CPA3: variants seen among roughly 807,000 people sequenced by gnomAD.
CPA3 encodes the protein mast cell carboxypeptidase A.
Under a neutral mutation model 55.8 loss-of-function variants are expected in CPA3, and 52 were observed. The observed-to-expected ratio is 0.93, with a 90% CI of 0.75 to 1.17. The LOEUF (loss-of-function observed/expected upper bound fraction) is 1.17. Ranked by LOEUF, CPA3 falls within the 50% of genes most tolerant of loss-of-function variation. The pLI is 0.00. For synonymous variants in CPA3, 179 were observed against 171.2 expected (o/e 1.05, Z -0.36); for missense variants, 547 against 509.1 (o/e 1.07, Z -0.72).
Position 148,869,059 on chromosome 3 carries a change from T to A in CPA3, c.269+20T>A. 1 of 1,606,672 alleles carries A rather than the reference T, an allele frequency of 6.2e-7. No individual in the cohort carries two copies. The highest frequency in any genetic ancestry group is 8.5e-7 in the Non-Finnish European group (1 of 1,175,020). Reference sequence around the variant, plus strand: ...CTATGAGTAAGTCCTTGGCAAATATTGAAATTTGTTGGATATTCAAAGTTT... The same window carrying A: ...CTATGAGTAAGTCCTTGGCAAATATAGAAATTTGTTGGATATTCAAAGTTT... On this transcript the variant is annotated intron_variant, in intron 3 of 10. Transcript: ENST00000296046.
At chr3:148,877,941 G>A (rs1268967050) in intron 3 of CPA3, among the ~76,000 whole-genome samples, 3 of 152,114 alleles carry the variant, frequency 2.0e-5, no homozygotes, top group Admixed American at 2.0e-4. Flanking sequence ...GGAGAAGGAT[G>A]GGGAGTACTA....
chr3:148,877,261 T>C (rs1259752386), intron 3 of CPA3, among the ~76,000 whole-genome samples: 2 of 152,190 alleles, frequency 1.3e-5, no homozygotes, highest in Non-Finnish European at 2.9e-5. Context: ...TTCAGGAGGC[T>C]GAGGTGGGCA....
chr3:148,888,441 T>C (rs1206502530), intron 10 of CPA3, among the ~76,000 whole-genome samples: 1 of 152,234 alleles, frequency 6.6e-6, no homozygotes, highest in East Asian at 1.9e-4. Flanking sequence ...TGCTACAACC[T>C]AGCCATGCTG....
At position 148,878,698 on chromosome 3, in the gene CPA3, C is replaced by T. The variant is rs1429769999; in HGVS notation, c.424C>T (p.Arg142Cys). 9.9e-6 allele frequency: 16 copies of T among 1,611,876 alleles called. No individual in the cohort carries two copies. The highest frequency in any genetic ancestry group is 1.4e-5 in the Non-Finnish European group (16 of 1,178,620). Reference sequence around the variant, plus strand: ...GGATAAGTATCCTGAAATGGTCTCTCGTATTAAAATTGGATCTACTGTTGA... The same window carrying T: ...GGATAAGTATCCTGAAATGGTCTCTTGTATTAAAATTGGATCTACTGTTGA... Reference protein sequence around the residue: ...MMDKYPEMVSRIKIGSTVEDN... With the variant: ...MMDKYPEMVSCIKIGSTVEDN... The change falls in exon 5 of 11, where the codon CGT becomes TGT. Residue 142 changes from arginine (R) to cysteine (C), a missense_variant. Coordinates refer to ENST00000296046, the MANE Select transcript of CPA3 (RefSeq NM_001870.4).
chr3:148,883,018 G>A (rs1714412638), intron 8 of CPA3, among the ~76,000 whole-genome samples: 1 of 152,158 alleles, frequency 6.6e-6, no homozygotes, highest in African/African-American at 2.4e-5. Context: ...GAAATACGAT[G>A]ATAAGCAGAG....
chr3:148,877,211 T>G (rs1714232041), intron 3 of CPA3, among the ~76,000 whole-genome samples: 1 of 152,046 alleles, frequency 6.6e-6, no homozygotes, highest in Non-Finnish European at 1.5e-5. Flanking sequence ...AATAGGAAGA[T>G]GAGGCCGGGA....
intron 9 of CPA3, 21 bp downstream of exon 9, chr3:148,883,836 A>G (rs767136542): frequency 1.9e-6 from 3 of 1,564,582 alleles, no homozygotes; most frequent in Admixed American, 3.3e-5. Flanking sequence ...AAAAGTTTGC[A>G]CTTCATGCAT....
At chr3:148,891,481 T>TACACACAC (rs3046005) in intron 10 of CPA3, among the ~76,000 whole-genome samples, 1 of 146,786 alleles carries the variant, frequency 6.8e-6, no homozygotes, top group African/African-American at 2.5e-5. Flanking sequence ...CCCTGTCACA[T>TACACACAC]ACACACACAC....
chr3:148,891,691 A>G (rs916168925), intron 10 of CPA3, among the ~76,000 whole-genome samples: 3 of 152,180 alleles, frequency 2.0e-5, no homozygotes, highest in African/African-American at 4.8e-5. Flanking sequence ...TATATTCTCA[A>G]TCACCACTAT....
intron 3 of CPA3, among the ~76,000 whole-genome samples, chr3:148,874,183 A>C (rs1426305628): frequency 6.6e-6 from 1 of 152,128 alleles, no homozygotes; most frequent in Non-Finnish European, 1.5e-5. Context: ...GTTGTACTTC[A>C]ACTCACACTG....
At chr3:148,866,330 T>C (rs936553343) in intron 2 of CPA3, among the ~76,000 whole-genome samples, 6 of 152,172 alleles carry the variant, frequency 3.9e-5, no homozygotes, top group African/African-American at 1.4e-4. Context: ...AATCCACACA[T>C]TGCCCTCCAT....
chr3:148,876,165 C>A, intron 3 of CPA3, among the ~76,000 whole-genome samples: 1 of 147,516 alleles, frequency 6.8e-6, no homozygotes, highest in Non-Finnish European at 1.5e-5. Context: ...CTGTAATAAC[C>A]AAAAATGTAG....
chr3:148,888,466 A>G (rs943477340), intron 10 of CPA3, among the ~76,000 whole-genome samples: 1 of 152,262 alleles, frequency 6.6e-6, no homozygotes, highest in Admixed American at 6.5e-5. Flanking sequence ...CTCATTACAC[A>G]TACAGGTGGA....
At chr3:148,875,843 A>G (rs1714187504) in intron 3 of CPA3, among the ~76,000 whole-genome samples, 1 of 152,206 alleles carries the variant, frequency 6.6e-6, no homozygotes, top group African/African-American at 2.4e-5. Flanking sequence ...ATACTGCCAT[A>G]TTAATCTCAA....
chr3:148,876,349 C>G (rs1444236191), intron 3 of CPA3, among the ~76,000 whole-genome samples: 2 of 151,460 alleles, frequency 1.3e-5, no homozygotes, highest in African/African-American at 2.4e-5. Flanking sequence ...TTTTTCTGAT[C>G]ATTCTAATTC....
Position 148,868,637 on chromosome 3 carries a change from CA to C in CPA3, c.145-274del, listed in dbSNP as rs566706667. ...AAAATTGTGGAAGAAAAAAATTAAC[CA>C]AAAGATCTGCCCATCCTTTTTAACT... is the stretch of plus-strand genomic sequence containing the variant. On this transcript the variant is annotated intron_variant, in intron 2 of 10. Coordinates refer to ENST00000296046, the MANE Select transcript of CPA3 (RefSeq NM_001870.4). Among the ~76,000 whole-genome samples the C allele has an allele frequency of 1.5e-4, 23 of 151,650 alleles. No individual in the cohort carries two copies. In the South Asian group the frequency reaches 4.8e-3, roughly 32 times the overall value.
intron 5 of CPA3, among the ~76,000 whole-genome samples, chr3:148,879,270 C>A (rs1400768266): frequency 6.6e-6 from 1 of 152,134 alleles, no homozygotes; most frequent in African/African-American, 2.4e-5. Flanking sequence ...CATCCACATC[C>A]CAAACCCCCA....
intron 3 of CPA3, among the ~76,000 whole-genome samples, chr3:148,870,369 T>A (rs1714030347): frequency 6.6e-6 from 1 of 152,094 alleles, no homozygotes; most frequent in African/African-American, 2.4e-5. Flanking sequence ...GTCAGTGATG[T>A]TATATTGCAG....
rs919649076 is a variant in CPA3 at position 148,874,090 on chromosome 3, C to A, written c.270-4351C>A. 3.9e-5 allele frequency among the ~76,000 whole-genome samples: 6 copies of A among 152,262 alleles called. No individual in the cohort carries two copies. In the East Asian group the frequency reaches 1.2e-3, roughly 29 times the overall value. On this transcript the variant is annotated intron_variant, in intron 3 of 10. Coordinates refer to ENST00000296046, the MANE Select transcript of CPA3 (RefSeq NM_001870.4). ...TCTGGCCCCAGTTCTTAATTTCCAG[C>A]CTTAGGCTTAATTTCTAGTCCCTAT...
Sources: gnomAD v4.1 joint callset for allele counts (sites outside exome capture counted in the v4.1 genomes callset) on GRCh38, gnomAD v4.1.1 for gene constraint, MANE v1.5 for transcripts, NCBI Gene and HGNC (gene_info 2026-07-23, HGNC 2026-07-21) for gene names.